TMEM248: variants seen among roughly 807,000 people sequenced by gnomAD.
The protein encoded by TMEM248 is UPF0458 protein C7orf42.
Under a neutral mutation model 30.3 loss-of-function variants are expected in TMEM248, and 9 were observed. That is an observed-to-expected ratio of 0.30 (90% CI 0.18 to 0.52). The LOEUF is 0.52. Ranked by LOEUF, TMEM248 falls within the 20% of genes least tolerant of loss-of-function variation. The pLI is 0.97. For missense variants in TMEM248, 338 were observed against 403.3 expected (o/e 0.84, Z 1.39); for synonymous variants, 184 against 154.4 (o/e 1.19, Z -1.42).
At chr7:66,945,741 G>A (rs1279695036) in intron 3 of TMEM248, among the ~76,000 whole-genome samples, 3 of 151,760 alleles carry the variant, frequency 2.0e-5, no homozygotes, top group African/African-American at 4.8e-5. Context: ...GCCTGAGCTC[G>A]GGAGTTTGAG....
At chr7:66,932,547 AG>A (rs1266607654) in intron 1 of TMEM248, among the ~76,000 whole-genome samples, 2 of 144,444 alleles carry the variant, frequency 1.4e-5, no homozygotes, top group African/African-American at 2.6e-5. Context: ...ATGGAGTCTT[AG>A]TCTGACACCC....
rs750664568 is a variant in TMEM248 at position 66,948,608 on chromosome 7, C to A, written c.510C>A (p.Asp170Glu). 1 of 1,614,172 alleles carries A rather than the reference C, an allele frequency of 6.2e-7. No individual in the cohort carries two copies. Among genetic ancestry groups the A allele is most frequent in the South Asian group, 1.1e-5 (1 of 91,080 alleles). ...TGCCTACAGCGTGGAGCTCAGATGA[C>A]TGCGCCCTCCACGGTCACTGTGAGC... ...FTLPTAWSSD[D>E]CALHGHCEQV... The change falls in exon 4 of 7, where the codon GAC becomes GAA. Residue 170 changes from aspartate to glutamate, a missense_variant. Physicochemically the swap from Asp to Glu is conservative, Grantham distance 45 (BLOSUM62 2). Coordinates refer to ENST00000341567, the MANE Select transcript of TMEM248 (RefSeq NM_017994.5).
chr7:66,939,608 T>TAGGGGCC (rs912268485), intron 1 of TMEM248, among the ~76,000 whole-genome samples: 12 of 152,246 alleles, frequency 7.9e-5, no homozygotes, highest in Admixed American at 6.5e-5. Context: ...GCTACTGTTC[T>TAGGGGCC]AGGGGCCAGG....
intron 1 of TMEM248, among the ~76,000 whole-genome samples, chr7:66,925,056 CTG>C (rs1402537388): frequency 2.0e-5 from 3 of 151,972 alleles, no homozygotes; most frequent in Non-Finnish European, 1.5e-5. Context: ...GAGTTTTGCT[CTG>C]TTGTCCTGGC....
rs1792412479 is a variant in TMEM248, at chr7:66,956,662, T to A, written c.*1140T>A. The A allele has an allele frequency of 6.6e-6, 1 of 152,102 alleles. No individual in the cohort carries two copies. The highest frequency in any genetic ancestry group is 6.6e-5 in the Admixed American group (1 of 15,252). The allele number at this position is 152,102 out of a possible 1,614,324, so 9.4% of individuals were successfully genotyped here. ...CATTTATCAGGGAAAACTGAAAGCA[T>A]TTTTCTTATAACTTTTTTTCTTTTT... On this transcript the variant is annotated 3_prime_UTR_variant, in exon 7 of 7. Coordinates refer to ENST00000341567, the MANE Select transcript of TMEM248 (RefSeq NM_017994.5).
rs750097614 is a variant in TMEM248 at position 66,957,178 on chromosome 7, A to G, written c.*1656A>G. 2 of 152,302 alleles carry G rather than the reference A, an allele frequency of 1.3e-5. No individual in the cohort carries two copies. The highest frequency in any genetic ancestry group is 2.9e-5 in the Non-Finnish European group (2 of 68,028). The allele number at this position is 152,302 out of a possible 1,614,324, so 9.4% of individuals were successfully genotyped here. ...GCAGTGTTATAACAGAAGGGCAATG[A>G]AAACATTGGACATGACCATGAGTGC... On this transcript the variant is annotated 3_prime_UTR_variant, in exon 7 of 7. Transcript: ENST00000341567.
chr7:66,943,398 T>C (rs1792014026), intron 2 of TMEM248, among the ~76,000 whole-genome samples: 1 of 152,232 alleles, frequency 6.6e-6, no homozygotes, highest in African/African-American at 2.4e-5. Flanking sequence ...ACTCCAGCTC[T>C]GTAGGAACGC....
rs1477490463 is a variant in TMEM248 at position 66,957,192 on chromosome 7, G to C, written c.*1670G>C. 6.7e-6 allele frequency: 1 copy of C among 149,312 alleles called. No individual in the cohort carries two copies. The highest frequency in any genetic ancestry group is 1.5e-5 in the Non-Finnish European group (1 of 67,632). 9.2% of individuals were successfully genotyped at this position (149,312 alleles called of 1,614,324 possible). ...GAAGGGCAATGAAAACATTGGACATGACCATGAGTGCTTCCTTTCCTTAAC... is the reference window on the plus strand; with the variant it reads ...GAAGGGCAATGAAAACATTGGACATCACCATGAGTGCTTCCTTTCCTTAAC... On this transcript the variant is annotated 3_prime_UTR_variant, in exon 7 of 7. Transcript: ENST00000341567.
intron 3 of TMEM248, 49 bp downstream of exon 3, chr7:66,945,310 C>T (rs756047877): frequency 1.8e-5 from 29 of 1,573,526 alleles, no homozygotes; most frequent in Admixed American, 3.5e-5. Flanking sequence ...ACCACTGTTA[C>T]AAAAAGAGGA....
intron 1 of TMEM248, among the ~76,000 whole-genome samples, chr7:66,934,505 C>G (rs1380364573): frequency 6.6e-6 from 1 of 152,152 alleles, no homozygotes; most frequent in African/African-American, 2.4e-5. Flanking sequence ...CCGGTCCATT[C>G]TTTCGCTTTT....
chr7:66,945,012 GAC>G lies in TMEM248; in HGVS notation c.197_198del (p.Asp66ValfsTer7). The G allele has an allele frequency of 6.2e-7, 1 of 1,614,152 alleles. No homozygotes were observed. Among genetic ancestry groups the G allele is most frequent in the Non-Finnish European group, 8.5e-7 (1 of 1,180,042 alleles). On this transcript the variant is annotated frameshift_variant, in exon 3 of 7. Coordinates refer to ENST00000341567, the MANE Select transcript of TMEM248 (RefSeq NM_017994.5). LOFTEE classifies it high-confidence loss of function. ...TTTTCTGCTACGGTTCAATGATTTG[GAC>G]TTGTGTGTATCAGAGAATGAAACCC... ...NTFLLRFNDLDLCVSENETLK... is the reference protein window; with the variant it reads ...NTFLLRFNDLXLCVSENETLK...
intron 6 of TMEM248, among the ~76,000 whole-genome samples, chr7:66,953,605 T>C (rs1429297153): frequency 6.6e-6 from 1 of 152,106 alleles, no homozygotes; most frequent in Non-Finnish European, 1.5e-5. Context: ...CTGCACATCC[T>C]CTGTAACTTT....
chr7:66,924,392 C>CTTATTTTATT (rs1008470855), intron 1 of TMEM248, among the ~76,000 whole-genome samples: 1 of 152,070 alleles, frequency 6.6e-6, no homozygotes, highest in African/African-American at 2.4e-5. Context: ...AGCCTTAGCC[C>CTTATTTTATT]TTATTTTATT....
chr7:66,953,939 CTTTTTTTTT>C (rs34925648), intron 6 of TMEM248, among the ~76,000 whole-genome samples: 1 of 83,986 alleles, frequency 1.2e-5, no homozygotes, highest in Non-Finnish European at 2.2e-5. Flanking sequence ...AGATTACTTT[CTTTTTTTTT>C]TTTTTTTTTT....
rs1478999446 is a variant in TMEM248, at chr7:66,957,465, C to T, written c.*1943C>T. 6.6e-6 allele frequency: 1 copy of T among 152,210 alleles called. No individual in the cohort carries two copies. The highest frequency in any genetic ancestry group is 1.9e-4 in the East Asian group (1 of 5,200). The allele number at this position is 152,210 out of a possible 1,614,324, so 9.4% of individuals were successfully genotyped here. A position where few individuals can be genotyped will look rare whatever the true frequency, so the allele number is the denominator to read the frequency against. Reference sequence around the variant, plus strand: ...TATGATACGAGTTGCTTACACGATGCATGGCTAACTTGTTAATTTAGTTTT... The same window carrying T: ...TATGATACGAGTTGCTTACACGATGTATGGCTAACTTGTTAATTTAGTTTT... On this transcript the variant is annotated 3_prime_UTR_variant, in exon 7 of 7. Coordinates refer to ENST00000341567, the MANE Select transcript of TMEM248 (RefSeq NM_017994.5).
chr7:66,952,697 G>T lies in TMEM248; in HGVS notation c.781-529G>T, dbSNP rs79754846. Among the ~76,000 whole-genome samples, 4 of 152,290 alleles carry T rather than the reference G, an allele frequency of 2.6e-5. No individual in the cohort carries two copies. The East Asian group carries it at 7.7e-4, about 29-fold the overall frequency. ...GGGAGGTCAAAGGGTAGTGAATCAC[G>T]GATGATCTCAGCATTTTCATCCAAG... is the stretch of plus-strand genomic sequence containing the variant. On this transcript the variant is annotated intron_variant, in intron 5 of 6. Transcript: ENST00000341567.
At chr7:66,923,200 C>T (rs1036449013) in intron 1 of TMEM248, among the ~76,000 whole-genome samples, 6 of 151,598 alleles carry the variant, frequency 4.0e-5, no homozygotes, top group Non-Finnish European at 8.8e-5. Flanking sequence ...GGCTGGAGTG[C>T]AGTGGCGCGA....
At position 66,953,122 on chromosome 7, in the gene TMEM248, T is replaced by C. The variant is rs1055227522; in HGVS notation, c.781-104T>C. The stretch of plus-strand genomic sequence containing the variant: ...TCTTGCAGCTTAAGAAGAAAAGTTG[T>C]GGCAAGTCTGGAGGCTGTCAATCCT... On this transcript the variant is annotated intron_variant, in intron 5 of 6. Coordinates refer to ENST00000341567, the MANE Select transcript of TMEM248 (RefSeq NM_017994.5). 13 of 1,298,902 alleles carry C rather than the reference T, an allele frequency of 1.0e-5. No homozygotes were observed. The African/African-American group carries it at 1.9e-4, about 19-fold the overall frequency. 80.5% of individuals were successfully genotyped at this position (1,298,902 alleles called of 1,614,324 possible).
At chr7:66,953,760 G>A (rs747865620) in intron 6 of TMEM248, among the ~76,000 whole-genome samples, 43 of 150,858 alleles carry the variant, frequency 2.9e-4, no homozygotes, top group Non-Finnish European at 5.8e-4. Context: ...GCAAGCCACC[G>A]CGTCCCACTA....
Sources: gnomAD v4.1 joint callset for allele counts (sites outside exome capture counted in the v4.1 genomes callset) on GRCh38, gnomAD v4.1.1 for gene constraint, MANE v1.5 for transcripts, NCBI Gene and HGNC (gene_info 2026-07-23, HGNC 2026-07-21) for gene names.